RNF220: variants seen among roughly 807,000 people sequenced by gnomAD.
The protein encoded by RNF220 is ring finger protein 220.
A neutral mutation model predicts 67.1 loss-of-function variants in RNF220; 7 were observed. That is an observed-to-expected ratio of 0.10 (90% CI 0.06 to 0.20). The LOEUF is 0.20. Ranked by LOEUF, RNF220 falls within the 10% of genes least tolerant of loss-of-function variation. The probability of loss-of-function intolerance (pLI) is 1.00; values close to 1 mark genes in which losing one functional copy is unlikely to be tolerated. For synonymous variants in RNF220, 270 were observed against 283.2 expected (o/e 0.95, Z 0.47); for missense variants, 565 against 740.3 (o/e 0.76, Z 2.75).
chr1:44,454,273 T>C (rs1652958573), intron 2 of RNF220, among the ~76,000 whole-genome samples: 1 of 152,204 alleles, frequency 6.6e-6, no homozygotes, highest in African/African-American at 2.4e-5. Context: ...TTTGGAATGG[T>C]ATATCTTTGC....
At chr1:44,642,420 C>A (rs1644514018) in intron 8 of RNF220, among the ~76,000 whole-genome samples, 1 of 152,100 alleles carries the variant, frequency 6.6e-6, no homozygotes, top group African/African-American at 2.4e-5. Flanking sequence ...TCTGTGTGGG[C>A]ACTGTGAGTT....
At chr1:44,553,259 T>C (rs573968571) in intron 2 of RNF220, among the ~76,000 whole-genome samples, 4 of 152,202 alleles carry the variant, frequency 2.6e-5, no homozygotes, top group African/African-American at 9.6e-5. Flanking sequence ...TCCAACAAAA[T>C]TGTGTTCTTA....
At chr1:44,500,905 A>G (rs1402379882) in intron 2 of RNF220, among the ~76,000 whole-genome samples, 1 of 152,218 alleles carries the variant, frequency 6.6e-6, no homozygotes, top group African/African-American at 2.4e-5. Flanking sequence ...CTCGGGAGCC[A>G]GGGGCGAAGC....
chr1:44,566,315 A>T (rs1350868909), intron 2 of RNF220, among the ~76,000 whole-genome samples: 7 of 152,178 alleles, frequency 4.6e-5, no homozygotes, highest in Admixed American at 4.6e-4. Flanking sequence ...TCAACAAGGA[A>T]GGGGGCTGAG....
intron 8 of RNF220, among the ~76,000 whole-genome samples, chr1:44,637,940 G>A (rs1644375115): frequency 6.6e-6 from 1 of 152,260 alleles, no homozygotes; most frequent in African/African-American, 2.4e-5. Flanking sequence ...GCTTAGTGCA[G>A]TCAAAAGACA....
At chr1:44,483,863 G>A (rs1438520295) in intron 2 of RNF220, among the ~76,000 whole-genome samples, 2 of 152,162 alleles carry the variant, frequency 1.3e-5, no homozygotes, top group South Asian at 2.1e-4. Flanking sequence ...CTTCCAAAAC[G>A]TATCAGAATG....
rs1177921977 is a variant in RNF220, at chr1:44,609,190, A to G, written c.626-4975A>G. On this transcript the variant is annotated intron_variant, in intron 2 of 14. Transcript: ENST00000361799. ...CACACGTGTGTACACATGAACACAC[A>G]CATATACCCACACACATACTCTTAA... is the stretch of plus-strand genomic sequence containing the variant. Among the ~76,000 whole-genome samples, 8 of 152,264 alleles carry G rather than the reference A, an allele frequency of 5.3e-5. No individual in the cohort carries two copies. In the East Asian group the frequency reaches 1.5e-3, roughly 29 times the overall value.
At chr1:44,447,480 C>G (rs890910448) in intron 2 of RNF220, among the ~76,000 whole-genome samples, 5 of 152,158 alleles carry the variant, frequency 3.3e-5, no homozygotes, top group African/African-American at 1.2e-4. Context: ...TATTTAGCAC[C>G]CTTCTAAATG....
intron 2 of RNF220, among the ~76,000 whole-genome samples, chr1:44,535,979 A>G (rs1361549182): frequency 6.6e-6 from 1 of 152,236 alleles, no homozygotes; most frequent in African/African-American, 2.4e-5. Context: ...GATGAAGTGT[A>G]ACAGGGCCCT....
chr1:44,646,990 C>T (rs896383331), intron 12 of RNF220, among the ~76,000 whole-genome samples: 1 of 152,204 alleles, frequency 6.6e-6, no homozygotes, highest in African/African-American at 2.4e-5. Context: ...CAGCCTGGAC[C>T]AGGGGTTGGA....
At chr1:44,416,312 G>A (rs6663541) in intron 2 of RNF220, among the ~76,000 whole-genome samples, 139,128 of 152,252 alleles carry the variant, frequency 0.91, 63,896 homozygotes, top group Middle Eastern at 0.97. Flanking sequence ...CCAATTACAA[G>A]TAGTTCACGT....
intron 2 of RNF220, among the ~76,000 whole-genome samples, chr1:44,494,950 C>T (rs1325582719): frequency 2.0e-5 from 3 of 152,132 alleles, no homozygotes; most frequent in Admixed American, 1.3e-4. Flanking sequence ...CAGTGGCTCA[C>T]GCCTGTAATC....
At chr1:44,477,066 T>TA (rs1311890399) in intron 2 of RNF220, among the ~76,000 whole-genome samples, 1 of 152,100 alleles carries the variant, frequency 6.6e-6, no homozygotes, top group Non-Finnish European at 1.5e-5. Context: ...TTATTAAAAA[T>TA]AAGAGGAATG....
chr1:44,582,468 C>T (rs774992349), intron 2 of RNF220, among the ~76,000 whole-genome samples: 3 of 152,048 alleles, frequency 2.0e-5, no homozygotes, highest in African/African-American at 7.2e-5. Context: ...CAAGAAGAAG[C>T]GAGTGGTGCC....
chr1:44,445,331 C>T (rs1247743153), intron 2 of RNF220, among the ~76,000 whole-genome samples: 1 of 152,104 alleles, frequency 6.6e-6, no homozygotes, highest in Non-Finnish European at 1.5e-5. Flanking sequence ...CACTTTGATT[C>T]CATCGTCTTC....
intron 2 of RNF220, among the ~76,000 whole-genome samples, chr1:44,613,098 C>T (rs1643386392): frequency 6.7e-6 from 1 of 149,038 alleles, no homozygotes; most frequent in Non-Finnish European, 1.5e-5. Flanking sequence ...AACCCCACAC[C>T]TGTAAGCAGA....
chr1:44,557,431 G>A (rs1271893351), intron 2 of RNF220, among the ~76,000 whole-genome samples: 2 of 151,056 alleles, frequency 1.3e-5, no homozygotes, highest in African/African-American at 2.4e-5. Flanking sequence ...AGGGAGGGAG[G>A]GAGAGAGGGA....
chr1:44,634,190 T>G (rs545340680), intron 6 of RNF220, among the ~76,000 whole-genome samples: 95 of 152,312 alleles, frequency 6.2e-4, no homozygotes, highest in African/African-American at 2.1e-3. Context: ...GACCAGTCTT[T>G]GTTGATGCTG....
rs1644596372 is a variant in RNF220, at chr1:44,645,023, A to G, written c.1252A>G (p.Thr418Ala). ...CACAGAGGCTGATGTCATCCCCTGC[A>G]CAGGCGAGGAGCCTGGTGAAGCCAA... ...QYTEADVIPC[T>A]GEEPGEAKER... The change falls in exon 10 of 15, where the codon ACA (threonine) becomes GCA (alanine). Residue 418 changes from threonine to alanine, a missense_variant. By Grantham distance (58) the Thr-to-Ala change is moderately conservative (BLOSUM62 0). Transcript: ENST00000361799. The surrounding 1 kb of genome is among the most constrained non-coding windows in gnomAD (Gnocchi z 5.0). 1 of 1,613,946 alleles carries G rather than the reference A, an allele frequency of 6.2e-7. No individual in the cohort carries two copies. The highest frequency in any genetic ancestry group is 1.3e-5 in the African/African-American group (1 of 74,890).
Sources: allele counts gnomAD v4.1 joint callset (sites outside exome capture counted in the v4.1 genomes callset), GRCh38; gene constraint gnomAD v4.1.1; non-coding constraint Gnocchi (gnomAD v3.1); transcripts MANE v1.5; gene names NCBI Gene and HGNC (gene_info 2026-07-23, HGNC 2026-07-21).